Variants in TRMT9B observed in about 807,000 individuals in gnomAD.
The protein encoded by TRMT9B is probable tRNA methyltransferase 9B.
TRMT9B carries 16 observed loss-of-function variants against 11.5 expected under a neutral mutation model. The ratio of observed to expected loss-of-function variants is 1.39; its 90% CI spans 0.94 to 2.11. The LOEUF (loss-of-function observed/expected upper bound fraction) is 2.11. Ranked by LOEUF, TRMT9B falls within the 30% of genes most tolerant of loss-of-function variation. The pLI is 0.00. For missense variants in TRMT9B, 941 were observed against 553.8 expected (o/e 1.70, Z -7.02); for synonymous variants, 274 against 192.4 (o/e 1.42, Z -3.51).
chr8:12,957,917 AACT>A (rs1333211598), intron 1 of TRMT9B, among the ~76,000 whole-genome samples: 1 of 152,114 alleles, frequency 6.6e-6, no homozygotes, highest in Non-Finnish European at 1.5e-5. Context: ...CTCAAAGTGA[AACT>A]CCATACCCAT....
At chr8:12,972,958 C>T (rs1803861276) in intron 1 of TRMT9B, among the ~76,000 whole-genome samples, 1 of 152,166 alleles carries the variant, frequency 6.6e-6, no homozygotes, top group African/African-American at 2.4e-5. Context: ...CCAAAGTGAA[C>T]CTCCAGGCCA....
At chr8:12,981,116 A>C (rs566810156) in intron 1 of TRMT9B, among the ~76,000 whole-genome samples, 2 of 149,136 alleles carry the variant, frequency 1.3e-5, no homozygotes, top group East Asian at 3.9e-4. Flanking sequence ...GTTTCTCCAT[A>C]ATAGAAGCAA....
intron 4 of TRMT9B, among the ~76,000 whole-genome samples, chr8:13,020,625 T>C (rs1278166730): frequency 6.6e-6 from 1 of 152,180 alleles, no homozygotes; most frequent in Non-Finnish European, 1.5e-5. Context: ...GAACATTTAA[T>C]ATCTCTTTCA....
At chr8:12,953,453 G>A (rs149526605) in intron 1 of TRMT9B, among the ~76,000 whole-genome samples, 4 of 152,062 alleles carry the variant, frequency 2.6e-5, no homozygotes, top group Non-Finnish European at 1.5e-5. Context: ...GAGTTCAACC[G>A]ATTCTCCTGC....
At chr8:12,963,292 G>A (rs1024179192) in intron 1 of TRMT9B, among the ~76,000 whole-genome samples, 1 of 152,204 alleles carries the variant, frequency 6.6e-6, no homozygotes, top group African/African-American at 2.4e-5. Flanking sequence ...AATTAGCCTG[G>A]TGTGGTGGCA....
intron 2 of TRMT9B, among the ~76,000 whole-genome samples, chr8:13,005,994 G>T (rs1162182577): frequency 6.6e-6 from 1 of 152,190 alleles, no homozygotes; most frequent in Non-Finnish European, 1.5e-5. Context: ...CCTTAACATG[G>T]CAGGTAAAAA....
intron 4 of TRMT9B, among the ~76,000 whole-genome samples, chr8:13,014,844 C>G (rs1812325039): frequency 6.6e-6 from 1 of 151,998 alleles, no homozygotes; most frequent in Non-Finnish European, 1.5e-5. Flanking sequence ...GGGTGGATCA[C>G]AAGGTCAGGA....
At chr8:12,953,510 C>T (rs575619370) in intron 1 of TRMT9B, among the ~76,000 whole-genome samples, 1 of 152,232 alleles carries the variant, frequency 6.6e-6, no homozygotes, top group South Asian at 2.1e-4. Context: ...CCACCATGCC[C>T]AGCTAATTTT....
intron 1 of TRMT9B, among the ~76,000 whole-genome samples, chr8:12,948,647 GAAGTT>G (rs1800382294): frequency 6.6e-6 from 1 of 151,676 alleles, no homozygotes; most frequent in Admixed American, 6.6e-5. Context: ...AACACACAGT[GAAGTT>G]AAGTGTAACA....
chr8:12,997,760 C>G, intron 2 of TRMT9B, among the ~76,000 whole-genome samples: 1 of 152,096 alleles, frequency 6.6e-6, no homozygotes, highest in East Asian at 1.9e-4. Flanking sequence ...TATGTATATA[C>G]TTTTAAGAGT....
At chr8:12,963,750 A>G (rs138676113) in intron 1 of TRMT9B, among the ~76,000 whole-genome samples, 296 of 152,338 alleles carry the variant, frequency 1.9e-3, no homozygotes, top group Non-Finnish European at 2.8e-3. Flanking sequence ...CCCTGTCTCA[A>G]ACAAAACAAA....
intron 3 of TRMT9B, among the ~76,000 whole-genome samples, chr8:13,008,754 A>T (rs138223075): frequency 0.05 from 7,681 of 152,154 alleles, 293 homozygotes; most frequent in South Asian, 0.15. Flanking sequence ...TTTGAGACGG[A>T]GTCTTGCTCT....
rs1814822908 is a variant in TRMT9B, at chr8:13,027,443, T to A, written c.*5399T>A. Reference sequence around the variant, plus strand: ...ACGTATTAACATCCTATAGCGCACGTGTTCTGTGGGATATATTTCAGAAAA... The same window carrying A: ...ACGTATTAACATCCTATAGCGCACGAGTTCTGTGGGATATATTTCAGAAAA... On this transcript the variant is annotated 3_prime_UTR_variant, in exon 5 of 5. Transcript: ENST00000524591. 1 of 167,090 alleles carries A rather than the reference T, an allele frequency of 6.0e-6. No individual in the cohort carries two copies. The highest frequency in any genetic ancestry group is 6.5e-5 in the Admixed American group (1 of 15,278). The allele number at this position is 167,090 out of a possible 1,614,324, so 10.4% of individuals were successfully genotyped here. A position where few individuals can be genotyped will look rare whatever the true frequency, so the allele number is the denominator to read the frequency against.
chr8:12,968,047 G>C (rs1803063230), intron 1 of TRMT9B, among the ~76,000 whole-genome samples: 1 of 152,240 alleles, frequency 6.6e-6, no homozygotes, highest in East Asian at 1.9e-4. Flanking sequence ...ACCACACCCA[G>C]CTAATTCTTG....
intron 1 of TRMT9B, among the ~76,000 whole-genome samples, chr8:12,972,740 A>G (rs1304522362): frequency 1.3e-5 from 2 of 152,132 alleles, no homozygotes; most frequent in Non-Finnish European, 2.9e-5. Flanking sequence ...CTAGGTGACA[A>G]TGACTCTCAT....
intron 1 of TRMT9B, among the ~76,000 whole-genome samples, chr8:12,966,925 C>T (rs975102047): frequency 5.9e-5 from 9 of 152,146 alleles, no homozygotes; most frequent in Non-Finnish European, 1.3e-4. Context: ...TACAGTGTTC[C>T]TTTCCATGTT....
At chr8:12,987,189 C>T (rs1806463081) in intron 1 of TRMT9B, among the ~76,000 whole-genome samples, 1 of 152,156 alleles carries the variant, frequency 6.6e-6, no homozygotes, top group Admixed American at 6.6e-5. Context: ...AGCTATGTAA[C>T]TTTGGGAAAG....
intron 1 of TRMT9B, among the ~76,000 whole-genome samples, chr8:12,950,055 TGTTGCCCAAGCTGG>T (rs1800473544): frequency 6.6e-6 from 1 of 152,144 alleles, no homozygotes; most frequent in South Asian, 2.1e-4. Flanking sequence ...GGTTTCACTA[TGTTGCCCAAGCTGG>T]TCTCAAACTC....
rs1165531604 is a variant in TRMT9B at position 13,023,296 on chromosome 8, C to G, written c.*1252C>G. ...CACTGATTTTAGCTCTGAGAACAAA[C>G]AAATTAAGGTACAGCATAGTTAGCC... On this transcript the variant is annotated 3_prime_UTR_variant, in exon 5 of 5. Coordinates refer to ENST00000524591, the MANE Select transcript of TRMT9B (RefSeq NM_020844.3). 6.0e-6 allele frequency: 1 copy of G among 167,044 alleles called. No individual in the cohort carries two copies. Among genetic ancestry groups the G allele is most frequent in the Admixed American group, 6.5e-5 (1 of 15,280 alleles). The allele number at this position is 167,044 out of a possible 1,614,324, so 10.3% of individuals were successfully genotyped here.
Sources: gnomAD v4.1 joint callset for allele counts (sites outside exome capture counted in the v4.1 genomes callset) on GRCh38, gnomAD v4.1.1 for gene constraint, MANE v1.5 for transcripts, NCBI Gene and HGNC (gene_info 2026-07-23, HGNC 2026-07-21) for gene names.